The following ATF7 variants were observed in gnomAD, a reference collection of about 807,000 sequenced individuals.
The protein encoded by ATF7 is cyclic AMP-dependent transcription factor ATF-7.
A neutral mutation model predicts 50.4 loss-of-function variants in ATF7; 10 were observed. The ratio of observed to expected loss-of-function variants is 0.20; its 90% confidence interval spans 0.12 to 0.34. The LOEUF (loss-of-function observed/expected upper bound fraction) is 0.34, where lower values mean the gene tolerates loss of function less well. ATF7 is among the 10% of genes least tolerant of loss of function. ATF7 has a pLI of 1.00. For missense variants in ATF7, 465 were observed against 613.9 expected (o/e 0.76, Z 2.56); for synonymous variants, 201 against 226.4 (o/e 0.89, Z 1.01).
At chr12:53,599,968 C>T (rs1943323905) in intron 2 of ATF7, among the ~76,000 whole-genome samples, 1 of 151,896 alleles carries the variant, frequency 6.6e-6, no homozygotes, top group African/African-American at 2.4e-5. Context: ...AAGGCGATTT[C>T]AACAAAATTA....
Position 53,532,363 on chromosome 12 carries a change from C to A in ATF7, c.774+147G>T, listed in dbSNP as rs919474930. On this transcript the variant is annotated intron_variant, in intron 8 of 11. Coordinates refer to ENST00000420353, the MANE Select transcript of ATF7 (RefSeq NM_006856.3). ...GGAGATGGGAGCTATGAATTGGAGTCTTTTCTTTTCCAGACCCCACAGCAG... is the reference window on the plus strand; with the variant it reads ...GGAGATGGGAGCTATGAATTGGAGTATTTTCTTTTCCAGACCCCACAGCAG... 8.2e-5 allele frequency: 51 copies of A among 623,610 alleles called. No individual in the cohort carries two copies. In the East Asian group the frequency reaches 1.4e-3, roughly 17 times the overall value. The allele number at this position is 623,610 out of a possible 1,614,324, so 38.6% of individuals were successfully genotyped here.
At chr12:53,539,991 G>A (rs558270530) in intron 4 of ATF7, among the ~76,000 whole-genome samples, 1 of 151,934 alleles carries the variant, frequency 6.6e-6, no homozygotes, top group Non-Finnish European at 1.5e-5. Flanking sequence ...GATCACTTGA[G>A]CCTGGGAGTT....
At chr12:53,605,830 C>T (rs1943576915) in intron 1 of ATF7, among the ~76,000 whole-genome samples, 1 of 152,140 alleles carries the variant, frequency 6.6e-6, no homozygotes. Context: ...CCTTTCTTCT[C>T]ACAACACAGT....
At chr12:53,613,133 A>T (rs1043585636) in intron 1 of ATF7, among the ~76,000 whole-genome samples, 15 of 152,254 alleles carry the variant, frequency 9.9e-5, no homozygotes, top group African/African-American at 3.4e-4. Flanking sequence ...CAAATTCTAT[A>T]CCACAGCTAA....
chr12:53,539,441 C>T (rs1286154960), intron 4 of ATF7, among the ~76,000 whole-genome samples: 2 of 152,098 alleles, frequency 1.3e-5, no homozygotes, highest in African/African-American at 4.8e-5. Flanking sequence ...TGCCTGTAAT[C>T]TCAGCACTTT....
At chr12:53,623,494 A>T (rs1046987311) in intron 1 of ATF7, among the ~76,000 whole-genome samples, 4 of 152,234 alleles carry the variant, frequency 2.6e-5, no homozygotes, top group Non-Finnish European at 4.4e-5. Context: ...TGTTTTTCTC[A>T]AAGAAACACC....
intron 1 of ATF7, among the ~76,000 whole-genome samples, chr12:53,611,382 G>T (rs1419930568): frequency 1.3e-5 from 2 of 152,112 alleles, no homozygotes; most frequent in East Asian, 3.9e-4. Flanking sequence ...AAACCAGGGA[G>T]TTGGAGGTTG....
intron 2 of ATF7, among the ~76,000 whole-genome samples, chr12:53,559,537 C>T (rs1422551930): frequency 4.6e-5 from 7 of 151,964 alleles, no homozygotes; most frequent in South Asian, 2.1e-4. Context: ...AAATCAGCTG[C>T]GTGTGGAGGC....
chr12:53,609,936 C>T (rs1318305420), intron 1 of ATF7, among the ~76,000 whole-genome samples: 1 of 150,054 alleles, frequency 6.7e-6, no homozygotes, highest in South Asian at 2.1e-4. Context: ...CATGCCTCAG[C>T]CTCTTGAGTA....
At chr12:53,587,821 A>ATATATATATATATATATG (rs1491119528) in intron 2 of ATF7, among the ~76,000 whole-genome samples, 6 of 41,082 alleles carry the variant, frequency 1.5e-4, no homozygotes, top group African/African-American at 3.3e-4. Flanking sequence ...ATACTTCTAC[A>ATATATATATATATATATG]TATATATATA....
chr12:53,586,520 A>G (rs1942687328), intron 2 of ATF7, among the ~76,000 whole-genome samples: 1 of 152,184 alleles, frequency 6.6e-6, no homozygotes, highest in African/African-American at 2.4e-5. Flanking sequence ...CTTTAAAACT[A>G]TCTGAACACC....
chr12:53,556,199 A>G (rs1300085114), intron 2 of ATF7, among the ~76,000 whole-genome samples: 2 of 152,348 alleles, frequency 1.3e-5, no homozygotes. Context: ...GATGTTGGCC[A>G]GTGCAGTGGC....
chr12:53,616,569 T>C (rs767226816), intron 1 of ATF7, among the ~76,000 whole-genome samples: 3 of 152,032 alleles, frequency 2.0e-5, no homozygotes, highest in Non-Finnish European at 4.4e-5. Context: ...AGATACAATA[T>C]TGAAAAGAAA....
chr12:53,561,406 G>A (rs1020478759), intron 2 of ATF7, among the ~76,000 whole-genome samples: 3 of 151,386 alleles, frequency 2.0e-5, no homozygotes, highest in African/African-American at 7.3e-5. Context: ...TGATGCTGGT[G>A]CTGAGCAGGT....
intron 11 of ATF7, 151 bp downstream of exon 11, chr12:53,523,125 C>T: frequency 3.4e-6 from 2 of 591,176 alleles, no homozygotes; most frequent in African/African-American, 1.9e-5. Context: ...CATTTTTTTT[C>T]TAGGTCTGGT....
intron 2 of ATF7, among the ~76,000 whole-genome samples, chr12:53,575,276 G>A (rs1442126307): frequency 1.3e-5 from 2 of 151,984 alleles, no homozygotes; most frequent in South Asian, 2.1e-4. Flanking sequence ...GTGTGGTGGT[G>A]CACGCCTGTA....
At chr12:53,571,889 A>G (rs1941786070) in intron 2 of ATF7, among the ~76,000 whole-genome samples, 1 of 152,148 alleles carries the variant, frequency 6.6e-6, no homozygotes, top group Non-Finnish European at 1.5e-5. Flanking sequence ...CAACATGGCG[A>G]AACCCGGTCT....
At chr12:53,569,067 G>C (rs1034608085) in intron 2 of ATF7, among the ~76,000 whole-genome samples, 1 of 152,172 alleles carries the variant, frequency 6.6e-6, no homozygotes, top group Non-Finnish European at 1.5e-5. Context: ...CTGAGAAAGA[G>C]AGAGAGAGAA....
chr12:53,578,042 CAA>C (rs1942197268), intron 2 of ATF7, among the ~76,000 whole-genome samples: 1 of 152,038 alleles, frequency 6.6e-6, no homozygotes, highest in Admixed American at 6.6e-5. Context: ...AGAGTACAGT[CAA>C]AGAGAGAAAA....
Sources: gnomAD v4.1 joint callset for allele counts (sites outside exome capture counted in the v4.1 genomes callset) on GRCh38, gnomAD v4.1.1 for gene constraint, MANE v1.5 for transcripts, NCBI Gene and HGNC (gene_info 2026-07-23, HGNC 2026-07-21) for gene names.